The following LRMDA variants were observed in gnomAD, a reference collection of about 807,000 sequenced individuals.
The protein encoded by LRMDA is leucine rich melanocyte differentiation associated.
A neutral mutation model predicts 29.8 loss-of-function variants in LRMDA; 18 were observed. The observed-to-expected ratio is 0.60, with a 90% CI of 0.42 to 0.90. The LOEUF is 0.90. Among genes scored for constraint, LRMDA ranks in the 40% least tolerant of loss-of-function variants. The probability of loss-of-function intolerance (pLI) is 0.00; values close to 1 mark genes in which losing one functional copy is unlikely to be tolerated. For synonymous variants in LRMDA, 125 were observed against 109.4 expected (o/e 1.14, Z -0.89); for missense variants, 273 against 273.9 (o/e 1.00, Z 0.02).
At chr10:75,846,286 C>T (rs1003434759) in intron 2 of LRMDA, among the ~76,000 whole-genome samples, 1 of 150,252 alleles carries the variant, frequency 6.7e-6, no homozygotes, top group African/African-American at 2.5e-5. Context: ...AAATTCATAC[C>T]AACCATTCAA....
intron 5 of LRMDA, among the ~76,000 whole-genome samples, chr10:76,208,414 G>C (rs1851576154): frequency 1.3e-5 from 2 of 152,292 alleles, no homozygotes; most frequent in South Asian, 2.1e-4. Context: ...AACAGTTTAT[G>C]AGTATTTTGG....
chr10:75,984,969 A>G (rs1369258730), intron 2 of LRMDA, among the ~76,000 whole-genome samples: 1 of 152,202 alleles, frequency 6.6e-6, no homozygotes, highest in Non-Finnish European at 1.5e-5. Flanking sequence ...AATTATTTGT[A>G]TTAATACAAC....
intron 2 of LRMDA, among the ~76,000 whole-genome samples, chr10:75,930,111 G>A (rs1426569318): frequency 6.6e-6 from 1 of 152,128 alleles, no homozygotes; most frequent in African/African-American, 2.4e-5. Flanking sequence ...TGAAACCTGC[G>A]AATAGATTTA....
At chr10:75,854,555 T>G (rs1232422025) in intron 2 of LRMDA, among the ~76,000 whole-genome samples, 1 of 152,054 alleles carries the variant, frequency 6.6e-6, no homozygotes, top group Non-Finnish European at 1.5e-5. Flanking sequence ...ACCAATTTAT[T>G]TATTTATTTA....
rs934103167 is a variant in LRMDA at position 75,533,105 on chromosome 10, G to A, written c.131+94611G>A. On this transcript the variant is annotated intron_variant, in intron 2 of 6. Coordinates refer to ENST00000611255, the MANE Select transcript of LRMDA (RefSeq NM_001305581.2). ...GTACTAGGCTGGTAAATTTTGAAAA[G>A]CATATCCTAGTTAGTGAGATTTTAT... Among the ~76,000 whole-genome samples, 13 of 152,286 alleles carry A rather than the reference G, an allele frequency of 8.5e-5. No individual in the cohort carries two copies. The East Asian group carries it at 9.6e-4, about 11-fold the overall frequency.
intron 6 of LRMDA, among the ~76,000 whole-genome samples, chr10:76,462,823 A>G (rs1423432290): frequency 2.0e-5 from 3 of 152,214 alleles, no homozygotes; most frequent in Non-Finnish European, 4.4e-5. Flanking sequence ...TGTTGAGCTC[A>G]GCGAGTGTTT....
intron 2 of LRMDA, among the ~76,000 whole-genome samples, chr10:75,981,086 TTGTC>T (rs1363642526): frequency 1.3e-5 from 2 of 152,240 alleles, no homozygotes; most frequent in African/African-American, 2.4e-5. Context: ...GTTATACACA[TTGTC>T]TGCTTATTAA....
chr10:75,993,299 T>G (rs188191666), intron 2 of LRMDA, among the ~76,000 whole-genome samples: 37 of 152,220 alleles, frequency 2.4e-4, no homozygotes, highest in Admixed American at 6.6e-4. Flanking sequence ...TTGCTGCTGA[T>G]GATGATGGAG....
intron 5 of LRMDA, among the ~76,000 whole-genome samples, chr10:76,249,391 G>T (rs1418614444): frequency 6.6e-6 from 1 of 152,178 alleles, no homozygotes; most frequent in African/African-American, 2.4e-5. Context: ...ACCAACTTTT[G>T]CTGAGTGTTC....
chr10:75,963,979 C>T (rs1846813116), intron 2 of LRMDA, among the ~76,000 whole-genome samples: 1 of 152,110 alleles, frequency 6.6e-6, no homozygotes. Flanking sequence ...GTGATGCAGA[C>T]CTGGTAATGA....
chr10:75,672,523 TTCCTCCCCTCCCCTCCCCTC>T (rs1841905177), intron 2 of LRMDA, among the ~76,000 whole-genome samples: 4 of 20,506 alleles, frequency 2.0e-4, no homozygotes, highest in African/African-American at 9.3e-4. Context: ...TTCTTTTCTT[TTCCTCCCCTCCCCTCCCCTC>T]CCCTCCCCTC....
intron 6 of LRMDA, among the ~76,000 whole-genome samples, chr10:76,369,862 A>G (rs986148280): frequency 1.3e-5 from 2 of 152,170 alleles, no homozygotes; most frequent in Admixed American, 1.3e-4. Flanking sequence ...GCTTAACTTA[A>G]GGGTTCCATA....
chr10:75,639,600 T>C (rs1841427351), intron 2 of LRMDA, among the ~76,000 whole-genome samples: 1 of 152,184 alleles, frequency 6.6e-6, no homozygotes, highest in Non-Finnish European at 1.5e-5. Flanking sequence ...CATTCAGCCA[T>C]GCGGCTTGGC....
At chr10:76,309,508 G>A (rs1423201772) in intron 5 of LRMDA, among the ~76,000 whole-genome samples, 3 of 152,180 alleles carry the variant, frequency 2.0e-5, no homozygotes, top group Admixed American at 1.3e-4. Context: ...TTAAAAAAAG[G>A]CATTTAGGAT....
At chr10:76,328,466 G>A (rs1840863777) in intron 6 of LRMDA, among the ~76,000 whole-genome samples, 1 of 152,150 alleles carries the variant, frequency 6.6e-6, no homozygotes, top group South Asian at 2.1e-4. Context: ...AGAATTGCTG[G>A]GGATGATGGA....
At chr10:75,438,653 T>A (rs1844290072) in intron 2 of LRMDA, among the ~76,000 whole-genome samples, 159 bp downstream of exon 2, 1 of 152,222 alleles carries the variant, frequency 6.6e-6, no homozygotes, top group African/African-American at 2.4e-5. Flanking sequence ...CCCCAAAGGT[T>A]TCACTGTGTC....
At chr10:75,739,304 G>T (rs1405373542) in intron 2 of LRMDA, among the ~76,000 whole-genome samples, 1 of 152,172 alleles carries the variant, frequency 6.6e-6, no homozygotes, top group Non-Finnish European at 1.5e-5. Context: ...CCAGAGATTG[G>T]CCTTGGGGTT....
chr10:76,320,596 A>G (rs1840759166), intron 5 of LRMDA, among the ~76,000 whole-genome samples: 1 of 152,246 alleles, frequency 6.6e-6, no homozygotes, highest in Non-Finnish European at 1.5e-5. Context: ...TAGAAAAGAA[A>G]TAGGGCCTTT....
chr10:76,030,545 CTT>C (rs1043414032), intron 2 of LRMDA, among the ~76,000 whole-genome samples: 3 of 152,278 alleles, frequency 2.0e-5, no homozygotes, highest in Non-Finnish European at 2.9e-5. Flanking sequence ...AATCCCAGCA[CTT>C]TGGGAGGCTG....
Sources: allele counts gnomAD v4.1 joint callset (sites outside exome capture counted in the v4.1 genomes callset), GRCh38; gene constraint gnomAD v4.1.1; transcripts MANE v1.5; gene names NCBI Gene and HGNC (gene_info 2026-07-23, HGNC 2026-07-21).